OR2A5: variants seen among roughly 807,000 people sequenced by gnomAD.
The protein encoded by OR2A5 is olfactory receptor 2A5.
OR2A5 carries 2 observed loss-of-function variants against 1.9 expected under a neutral mutation model. The ratio of observed to expected loss-of-function variants is 1.04; its 90% CI spans 0.43 to 3.28. The LOEUF is 3.28. OR2A5 is among the 30% of genes most tolerant of loss of function. The pLI is 0.08. For missense variants in OR2A5, 391 were observed against 375.9 expected (o/e 1.04, Z -0.33); for synonymous variants, 160 against 154.5 (o/e 1.04, Z -0.26).
In OR2A5 at chr7:144,056,498, A is replaced by G. The variant is rs180860632; in HGVS notation, c.*5161A>G. The G allele has an allele frequency of 7.9e-5, 12 of 152,348 alleles. No homozygotes were observed. In the East Asian group the frequency reaches 2.3e-3, roughly 29 times the overall value. The allele number at this position is 152,348 out of a possible 1,614,324, so 9.4% of individuals were successfully genotyped here. On this transcript the variant is annotated 3_prime_UTR_variant, in exon 2 of 2. Transcript: ENST00000641693. Reference sequence around the variant, plus strand: ...AAGAGGGAGGGAGAGAGACAGACAGAGAGAAATGGAGAGAGAACTGGGTTT... The same window carrying G: ...AAGAGGGAGGGAGAGAGACAGACAGGGAGAAATGGAGAGAGAACTGGGTTT...
At position 144,052,977 on chromosome 7, in the gene OR2A5, TA is replaced by T. The variant is rs2050916389; in HGVS notation, c.*1644del. On this transcript the variant is annotated 3_prime_UTR_variant, in exon 2 of 2. Coordinates refer to ENST00000641693, the MANE Select transcript of OR2A5 (RefSeq NM_012365.2). ...AAATATGTATACTTCATGTTCTGCT[TA>T]AAACCTTTAAAAGAAAAGGGAAAGA... The T allele has an allele frequency of 6.6e-6, 1 of 152,132 alleles. No homozygotes were observed. 9.4% of individuals were successfully genotyped at this position (152,132 alleles called of 1,614,324 possible). A position where few individuals can be genotyped will look rare whatever the true frequency, so the allele number is the denominator to read the frequency against.
rs926342246 is a variant in OR2A5, at chr7:144,057,116, C to T, written c.*5779C>T. On this transcript the variant is annotated 3_prime_UTR_variant, in exon 2 of 2. Transcript: ENST00000641693. ...GGCGTGAGCCACCGCGCCCGGCCAA[C>T]TCTTCTTAAATATGAAAAAAATTCA... 6.6e-6 allele frequency: 1 copy of T among 151,904 alleles called. No individual in the cohort carries two copies. Among genetic ancestry groups the T allele is most frequent in the Non-Finnish European group, 1.5e-5 (1 of 67,954 alleles). 9.4% of individuals were successfully genotyped at this position (151,904 alleles called of 1,614,324 possible).
intron 1 of OR2A5, among the ~76,000 whole-genome samples, chr7:144,049,414 C>T (rs1185918413): frequency 6.6e-6 from 1 of 152,188 alleles, no homozygotes; most frequent in African/African-American, 2.4e-5. Flanking sequence ...GAATGACAAG[C>T]AGAGAAAATT....
chr7:144,049,958 A>T (rs770305998), intron 1 of OR2A5, among the ~76,000 whole-genome samples: 4 of 152,252 alleles, frequency 2.6e-5, no homozygotes, highest in Non-Finnish European at 5.9e-5. Context: ...AAATAATTGA[A>T]AACCAAATAT....
In OR2A5 at chr7:144,050,956, C is replaced by A. The variant is rs1180610365; in HGVS notation, c.555C>A (p.Leu185=). The change falls in exon 2 of 2, where the codon CTC becomes CTA. Residue 185 remains leucine (L), a synonymous_variant. Coordinates refer to ENST00000641693, the MANE Select transcript of OR2A5 (RefSeq NM_012365.2). The stretch of plus-strand genomic sequence containing the variant: ...TCTTCTGTGAAATCCTGTCTGTCCT[C>A]AAGTTGGCCTGTGCTGACACCTGGC... ...NHFFCEILSV[L]KLACADTWLN... 9 of 1,614,092 alleles carry A rather than the reference C, an allele frequency of 5.6e-6. No individual in the cohort carries two copies. The highest frequency in any genetic ancestry group is 1.7e-5 in the Admixed American group (1 of 60,016).
In OR2A5 at chr7:144,050,855, G is replaced by A. The variant is rs2050897684; in HGVS notation, c.454G>A (p.Gly152Ser). 3 of 1,614,038 alleles carry A rather than the reference G, an allele frequency of 1.9e-6. No homozygotes were observed. The African/African-American group carries it at 4.0e-5, about 22-fold the overall frequency. Residue 152 changes from glycine to serine, a missense_variant, in exon 2 of 2, where the codon GGT becomes AGT. Coordinates refer to ENST00000641693, the MANE Select transcript of OR2A5 (RefSeq NM_012365.2). ...TVLAVTSWAC[G>S]SLLALVHVVL... ...CCTGGCTGTCACTTCTTGGGCATGT[G>A]GTTCCCTTCTGGCCCTGGTCCATGT...
Position 144,054,141 on chromosome 7 carries a change from C to A in OR2A5, c.*2804C>A, listed in dbSNP as rs556691588. 6.6e-6 allele frequency: 1 copy of A among 152,214 alleles called. No individual in the cohort carries two copies. The highest frequency in any genetic ancestry group is 1.5e-5 in the Non-Finnish European group (1 of 68,058). 9.4% of individuals were successfully genotyped at this position (152,214 alleles called of 1,614,324 possible). A position where few individuals can be genotyped will look rare whatever the true frequency, so the allele number is the denominator to read the frequency against. ...GCTGCTAGGACTGAGAAAGGGGGAA[C>A]CCAGCACAGGTGCAAGCTGAGATGC... On this transcript the variant is annotated 3_prime_UTR_variant, in exon 2 of 2. Coordinates refer to ENST00000641693, the MANE Select transcript of OR2A5 (RefSeq NM_012365.2).
At position 144,057,283 on chromosome 7, in the gene OR2A5, A is replaced by G. The variant is rs1445403736; in HGVS notation, c.*5946A>G. The G allele has an allele frequency of 1.3e-5, 2 of 152,214 alleles. No homozygotes were observed. Among genetic ancestry groups the G allele is most frequent in the Admixed American group, 1.3e-4 (2 of 15,282 alleles). The allele number at this position is 152,214 out of a possible 1,614,324, so 9.4% of individuals were successfully genotyped here. A position where few individuals can be genotyped will look rare whatever the true frequency, so the allele number is the denominator to read the frequency against. On this transcript the variant is annotated 3_prime_UTR_variant, in exon 2 of 2. Coordinates refer to ENST00000641693, the MANE Select transcript of OR2A5 (RefSeq NM_012365.2). ...AAGCACATAGAATCTAGACTCAGAT[A>G]TAATATCTATTTATTTTATAAGGAC...
rs2050929371 is a variant in OR2A5 at position 144,055,089 on chromosome 7, C to G, written c.*3752C>G. 1 of 151,814 alleles carries G rather than the reference C, an allele frequency of 6.6e-6. No individual in the cohort carries two copies. The highest frequency in any genetic ancestry group is 1.5e-5 in the Non-Finnish European group (1 of 67,948). 9.4% of individuals were successfully genotyped at this position (151,814 alleles called of 1,614,324 possible). On this transcript the variant is annotated 3_prime_UTR_variant, in exon 2 of 2. Coordinates refer to ENST00000641693, the MANE Select transcript of OR2A5 (RefSeq NM_012365.2). ...TTTGAAATGACTGTGTTTCCATAGC[C>G]CGGAAAAAAGGAGGAATAAAGCAAA...
chr7:144,053,902 G>T lies in OR2A5; in HGVS notation c.*2565G>T, dbSNP rs1208919892. 6.6e-6 allele frequency: 1 copy of T among 152,126 alleles called. No homozygotes were observed. Among genetic ancestry groups the T allele is most frequent in the Non-Finnish European group, 1.5e-5 (1 of 68,042 alleles). The allele number at this position is 152,126 out of a possible 1,614,324, so 9.4% of individuals were successfully genotyped here. ...TAATGCCTGTCTGCAAAATCACATG[G>T]CCTCATAAGGCATTGCCCCAAAGGG... On this transcript the variant is annotated 3_prime_UTR_variant, in exon 2 of 2. Coordinates refer to ENST00000641693, the MANE Select transcript of OR2A5 (RefSeq NM_012365.2).
Position 144,048,963 on chromosome 7 carries a change from C to T in OR2A5, c.-222C>T, listed in dbSNP as rs2050882379. 1 of 152,292 alleles carries T rather than the reference C, an allele frequency of 6.6e-6. No homozygotes were observed. Among genetic ancestry groups the T allele is most frequent in the Admixed American group, 6.5e-5 (1 of 15,290 alleles). 9.4% of individuals were successfully genotyped at this position (152,292 alleles called of 1,614,324 possible). Reference sequence around the variant, plus strand: ...CCAGAGAGCAGGCTGCAGTCTGCATCAGCCTATGCTAAGAAAAGAGAGACA... The same window carrying T: ...CCAGAGAGCAGGCTGCAGTCTGCATTAGCCTATGCTAAGAAAAGAGAGACA... On this transcript the variant is annotated 5_prime_UTR_variant, in exon 1 of 2. Coordinates refer to ENST00000641693, the MANE Select transcript of OR2A5 (RefSeq NM_012365.2).
rs759980894 is a variant in OR2A5, at chr7:144,050,578, C to T, written c.177C>T (p.Tyr59=). Residue 59 remains tyrosine, a synonymous_variant, in exon 2 of 2, where the codon TAC becomes TAT. Transcript: ENST00000641693. ...ACTCCAGACTGCACACCCCCATGTA[C>T]TTCTTTCTCTCACACCTGGCCATCA... The part of the protein sequence containing the change: ...WLDSRLHTPM[Y]FFLSHLAIID... The T allele has an allele frequency of 5.0e-6, 8 of 1,610,282 alleles. No individual in the cohort carries two copies. The highest frequency in any genetic ancestry group is 4.5e-5 in the East Asian group (2 of 44,890).
rs1296714455 is a variant in OR2A5 at position 144,054,982 on chromosome 7, T to C, written c.*3645T>C. The C allele has an allele frequency of 6.6e-6, 1 of 152,192 alleles. No homozygotes were observed. Among genetic ancestry groups the C allele is most frequent in the African/African-American group, 2.4e-5 (1 of 41,430 alleles). 9.4% of individuals were successfully genotyped at this position (152,192 alleles called of 1,614,324 possible). On this transcript the variant is annotated 3_prime_UTR_variant, in exon 2 of 2. Transcript: ENST00000641693. ...ACTCCTTATATTGGTCTCCCTGGCC[T>C]TACTATTGCCCTGGATACTAATCAT...
intron 1 of OR2A5, 99 bp from the exon 2 acceptor site, chr7:144,050,252 G>C: frequency 1.8e-6 from 1 of 542,232 alleles, no homozygotes; most frequent in Non-Finnish European, 3.2e-6. Flanking sequence ...TTGGCATAAT[G>C]GCTCCGAAAA....
chr7:144,051,646 A>C lies in OR2A5; in HGVS notation c.*309A>C. On this transcript the variant is annotated 3_prime_UTR_variant, in exon 2 of 2. Coordinates refer to ENST00000641693, the MANE Select transcript of OR2A5 (RefSeq NM_012365.2). ...CTCAAGCTTCCTCTTAAATTCCTCTATTATTTCCATCTCTTTTTGCCATAA... is the reference window on the plus strand; with the variant it reads ...CTCAAGCTTCCTCTTAAATTCCTCTCTTATTTCCATCTCTTTTTGCCATAA... The C allele has an allele frequency of 6.6e-6, 2 of 303,518 alleles. No individual in the cohort carries two copies. The highest frequency in any genetic ancestry group is 6.9e-5 in the East Asian group (1 of 14,582). The allele number at this position is 303,518 out of a possible 1,614,324, so 18.8% of individuals were successfully genotyped here. A position where few individuals can be genotyped will look rare whatever the true frequency, so the allele number is the denominator to read the frequency against.
rs2050910136 is a variant in OR2A5, at chr7:144,051,918, A to C, written c.*581A>C. 1 of 152,366 alleles carries C rather than the reference A, an allele frequency of 6.6e-6. No individual in the cohort carries two copies. The highest frequency in any genetic ancestry group is 1.5e-5 in the Non-Finnish European group (1 of 68,154). The allele number at this position is 152,366 out of a possible 1,614,324, so 9.4% of individuals were successfully genotyped here. A position where few individuals can be genotyped will look rare whatever the true frequency, so the allele number is the denominator to read the frequency against. On this transcript the variant is annotated 3_prime_UTR_variant, in exon 2 of 2. Transcript: ENST00000641693. ...TTTAATTGTATAGATTTTTTTATAT[A>C]AAAGGCAGAGAAATATCAGGATCTT...
In OR2A5 at chr7:144,055,456, C is replaced by T. The variant is rs1251703446; in HGVS notation, c.*4119C>T. 5.3e-5 allele frequency: 8 copies of T among 152,034 alleles called. No homozygotes were observed. Among genetic ancestry groups the T allele is most frequent in the Admixed American group, 2.6e-4 (4 of 15,262 alleles). The allele number at this position is 152,034 out of a possible 1,614,324, so 9.4% of individuals were successfully genotyped here. A position where few individuals can be genotyped will look rare whatever the true frequency, so the allele number is the denominator to read the frequency against. On this transcript the variant is annotated 3_prime_UTR_variant, in exon 2 of 2. Transcript: ENST00000641693. The stretch of plus-strand genomic sequence containing the variant: ...ACTTTTTCATCTTTTTAATGAGGGG[C>T]GGAGTTTAACCTGATTTTAAACAAA...
Position 144,054,394 on chromosome 7 carries a change from T to C in OR2A5, c.*3057T>C, listed in dbSNP as rs561440262. 2.0e-5 allele frequency: 3 copies of C among 152,238 alleles called. No individual in the cohort carries two copies. Among genetic ancestry groups the C allele is most frequent in the Admixed American group, 2.0e-4 (3 of 15,300 alleles). The allele number at this position is 152,238 out of a possible 1,614,324, so 9.4% of individuals were successfully genotyped here. On this transcript the variant is annotated 3_prime_UTR_variant, in exon 2 of 2. Transcript: ENST00000641693. ...GAGAAGGATATAAGGACAATGAAAATGAAAAATGATTACATAGTAAGACTA... is the reference window on the plus strand; with the variant it reads ...GAGAAGGATATAAGGACAATGAAAACGAAAAATGATTACATAGTAAGACTA...
chr7:144,058,351 A>G lies in OR2A5; in HGVS notation c.*7014A>G, dbSNP rs909183201. The G allele has an allele frequency of 6.6e-5, 10 of 152,192 alleles. No individual in the cohort carries two copies. The East Asian group carries it at 1.2e-3, about 18-fold the overall frequency. The allele number at this position is 152,192 out of a possible 1,614,324, so 9.4% of individuals were successfully genotyped here. A position where few individuals can be genotyped will look rare whatever the true frequency, so the allele number is the denominator to read the frequency against. On this transcript the variant is annotated 3_prime_UTR_variant, in exon 2 of 2. Coordinates refer to ENST00000641693, the MANE Select transcript of OR2A5 (RefSeq NM_012365.2). Reference sequence around the variant, plus strand: ...TAATGGCTGAATAGTATTCCATTACATATGTATAATACTTTTTTTTATACT... The same window carrying G: ...TAATGGCTGAATAGTATTCCATTACGTATGTATAATACTTTTTTTTATACT...
Sources: gnomAD v4.1 joint callset for allele counts (sites outside exome capture counted in the v4.1 genomes callset) on GRCh38, gnomAD v4.1.1 for gene constraint, MANE v1.5 for transcripts, NCBI Gene and HGNC (gene_info 2026-07-23, HGNC 2026-07-21) for gene names.